The following DCLK2 variants were observed in gnomAD, a reference collection of about 807,000 sequenced individuals.
DCLK2 encodes doublecortin like kinase 2, also known as serine/threonine-protein kinase DCLK2.
DCLK2 carries 31 observed loss-of-function variants against 78.4 expected under a neutral mutation model. That is an observed-to-expected ratio of 0.40 (90% confidence interval 0.30 to 0.53). DCLK2 has a LOEUF of 0.53. Among genes scored for constraint, DCLK2 ranks in the 20% least tolerant of loss-of-function variants. The pLI is 0.61. For missense variants in DCLK2, 872 were observed against 973.7 expected (o/e 0.90, Z 1.39); for synonymous variants, 407 against 374.9 (o/e 1.09, Z -0.99).
In DCLK2 at chr4:150,218,473, A is replaced by G. The variant is rs142135006; in HGVS notation, c.1057-2230A>G. On this transcript the variant is annotated intron_variant, in intron 5 of 15. Coordinates refer to ENST00000296550, the MANE Select transcript of DCLK2 (RefSeq NM_001040260.4). ...TCACTCAGACAACACATCAGCTTGC[A>G]GTAAACCAGTGCTTACCCAAATTAG... Among the ~76,000 whole-genome samples, 8 of 152,348 alleles carry G rather than the reference A, an allele frequency of 5.3e-5. No homozygotes were observed. The East Asian group carries it at 1.3e-3, about 26-fold the overall frequency.
At chr4:150,175,237 A>G (rs913790264) in intron 2 of DCLK2, among the ~76,000 whole-genome samples, 18 of 138,956 alleles carry the variant, frequency 1.3e-4, no homozygotes, top group African/African-American at 4.9e-4. Flanking sequence ...ATTTATATAT[A>G]TATAAAGCTT....
At chr4:150,111,102 C>T (rs1731660817) in intron 2 of DCLK2, among the ~76,000 whole-genome samples, 1 of 152,130 alleles carries the variant, frequency 6.6e-6, no homozygotes, top group Non-Finnish European at 1.5e-5. Context: ...TTCCCACAAG[C>T]ATTGTATAAG....
At position 150,078,942 on chromosome 4, in the gene DCLK2, C is replaced by T. The variant is rs1729018227; in HGVS notation, c.-86C>T. The stretch of plus-strand genomic sequence containing the variant: ...CCAGGTGTCCCGGCGCGTTAAGGGC[C>T]CTCGCAGTCAGACGTCCCTGCACCG... On this transcript the variant is annotated 5_prime_UTR_variant, in exon 1 of 16. Coordinates refer to ENST00000296550, the MANE Select transcript of DCLK2 (RefSeq NM_001040260.4). The T allele has an allele frequency of 6.4e-6, 9 of 1,410,146 alleles. No homozygotes were observed. Among genetic ancestry groups the T allele is most frequent in the South Asian group, 1.6e-5 (1 of 63,026 alleles). 87.4% of individuals were successfully genotyped at this position (1,410,146 alleles called of 1,614,324 possible). A position where few individuals can be genotyped will look rare whatever the true frequency, so the allele number is the denominator to read the frequency against.
chr4:150,079,446 A>C lies in DCLK2; in HGVS notation c.419A>C (p.Glu140Ala). 23 of 1,513,342 alleles carry C rather than the reference A, an allele frequency of 1.5e-5. No individual in the cohort carries two copies. The highest frequency in any genetic ancestry group is 2.0e-5 in the Non-Finnish European group (23 of 1,126,160). The allele number at this position is 1,513,342 out of a possible 1,614,324, so 93.7% of individuals were successfully genotyped here. A position where few individuals can be genotyped will look rare whatever the true frequency, so the allele number is the denominator to read the frequency against. Residue 140 changes from glutamate to alanine, a missense_variant and splice_region_variant, in exon 1 of 16, where the codon GAA becomes GCA. This residue lies in a region of DCLK2 where 567 missense variants were observed against 593.4 expected (regional missense o/e 0.96). Transcript: ENST00000296550. ...RKVTSLDELLEGESYVCASNE... is the reference protein window; with the variant it reads ...RKVTSLDELLAGESYVCASNE... ...GTCACCAGCCTGGACGAGCTGCTGG[A>C]AGGTAGGAGGGGAGGGCGCCGCACG...
intron 2 of DCLK2, among the ~76,000 whole-genome samples, chr4:150,156,741 T>TTTTTTTTA (rs1735303640): frequency 7.2e-6 from 1 of 139,390 alleles, no homozygotes; most frequent in East Asian, 2.1e-4. Flanking sequence ...GGAGTAACTA[T>TTTTTTTTA]TTTATTTATT....
intron 2 of DCLK2, among the ~76,000 whole-genome samples, chr4:150,122,309 A>G (rs1015003922): frequency 5.3e-5 from 8 of 152,216 alleles, no homozygotes; most frequent in South Asian, 2.1e-4. Flanking sequence ...GTGCACACCT[A>G]TGTTTATTGC....
At chr4:150,225,195 G>T (rs917672589) in intron 8 of DCLK2, among the ~76,000 whole-genome samples, 2 of 152,204 alleles carry the variant, frequency 1.3e-5, no homozygotes, top group Non-Finnish European at 2.9e-5. Flanking sequence ...CACATCTGCC[G>T]TTTGCCCGTA....
intron 12 of DCLK2, 46 bp from the exon 13 acceptor site, chr4:150,247,557 C>A (rs1743420841): frequency 6.4e-7 from 1 of 1,574,622 alleles, no homozygotes; most frequent in Admixed American, 1.7e-5. Flanking sequence ...TTGAAAAATT[C>A]TACGGTGACT....
chr4:150,207,182 T>A lies in DCLK2; in HGVS notation c.1056+3293T>A, dbSNP rs536587341. 5.3e-5 allele frequency among the ~76,000 whole-genome samples: 8 copies of A among 152,282 alleles called. No individual in the cohort carries two copies. In the South Asian group the frequency reaches 1.7e-3, roughly 32 times the overall value. On this transcript the variant is annotated intron_variant, in intron 5 of 15. Transcript: ENST00000296550. ...GGATAGATAATCTTTTTCCAGAGAA[T>A]CAGAGAATTGATAAAAGCAAGCAAA...
chr4:150,193,733 G>GT (rs974821007), intron 3 of DCLK2, among the ~76,000 whole-genome samples: 20 of 151,702 alleles, frequency 1.3e-4, no homozygotes, highest in Non-Finnish European at 1.8e-4. Flanking sequence ...ACCTCACTGG[G>GT]TTTTTTTTGG....
chr4:150,116,773 C>T (rs1732123442), intron 2 of DCLK2, among the ~76,000 whole-genome samples: 1 of 152,160 alleles, frequency 6.6e-6, no homozygotes, highest in Non-Finnish European at 1.5e-5. Flanking sequence ...GTCAGGGCCT[C>T]TTGGTTAGCC....
chr4:150,078,798 G>A lies in DCLK2; in HGVS notation c.-230G>A. The A allele has an allele frequency of 2.3e-6, 1 of 431,514 alleles. No homozygotes were observed. Among genetic ancestry groups the A allele is most frequent in the Non-Finnish European group, 3.9e-6 (1 of 254,288 alleles). The allele number at this position is 431,514 out of a possible 1,614,324, so 26.7% of individuals were successfully genotyped here. On this transcript the variant is annotated 5_prime_UTR_variant, in exon 1 of 16. Coordinates refer to ENST00000296550, the MANE Select transcript of DCLK2 (RefSeq NM_001040260.4). ...GCAGGCGGGAGGCACGGAGCAAGTC[G>A]CACTGGACAATGACCTGGGCAGCTC...
intron 1 of DCLK2, among the ~76,000 whole-genome samples, chr4:150,087,829 C>T (rs1406007350): frequency 6.6e-6 from 1 of 152,130 alleles, no homozygotes; most frequent in East Asian, 1.9e-4. Flanking sequence ...CCAGTTTTTA[C>T]ATACAAAGTG....
chr4:150,128,799 A>G (rs1453359632), intron 2 of DCLK2, among the ~76,000 whole-genome samples: 1 of 152,108 alleles, frequency 6.6e-6, no homozygotes, highest in Non-Finnish European at 1.5e-5. Flanking sequence ...AAGTCCATGG[A>G]CAGAGAGTAT....
At chr4:150,212,829 C>T (rs895616508) in intron 5 of DCLK2, among the ~76,000 whole-genome samples, 1 of 152,098 alleles carries the variant, frequency 6.6e-6, no homozygotes. Flanking sequence ...TTAAATGCCC[C>T]ATTATTCATG....
chr4:150,166,305 C>T (rs1736068309), intron 2 of DCLK2, among the ~76,000 whole-genome samples: 1 of 151,386 alleles, frequency 6.6e-6, no homozygotes, highest in Non-Finnish European at 1.5e-5. Context: ...GCCTGAGCAA[C>T]ATAGCGGGAC....
intron 2 of DCLK2, among the ~76,000 whole-genome samples, chr4:150,141,482 T>A (rs750224775): frequency 4.6e-5 from 7 of 152,214 alleles, no homozygotes; most frequent in Non-Finnish European, 8.8e-5. Flanking sequence ...TTGGTTCTTA[T>A]GAGATGGAAA....
chr4:150,144,775 A>G (rs997678295), intron 2 of DCLK2, among the ~76,000 whole-genome samples: 4 of 152,144 alleles, frequency 2.6e-5, no homozygotes, highest in Non-Finnish European at 4.4e-5. Context: ...ATTTGTAGAG[A>G]TGAGACGTCA....
In DCLK2 at chr4:150,250,688, G is replaced by A. The variant is rs138388446; in HGVS notation, c.2073+1004G>A. On this transcript the variant is annotated intron_variant, in intron 15 of 15. Transcript: ENST00000296550. ...GGCCACCTCCACAGCTCCGTCACTCGTACTTGGGACAGGCCTCTCATCCTC... is the reference window on the plus strand; with the variant it reads ...GGCCACCTCCACAGCTCCGTCACTCATACTTGGGACAGGCCTCTCATCCTC... 4.0e-3 allele frequency among the ~76,000 whole-genome samples: 610 copies of A among 151,690 alleles called. 2 individuals are homozygous for A. The highest frequency in any genetic ancestry group is 0.013 in the African/African-American group (555 of 41,292).
Sources: allele counts gnomAD v4.1 joint callset (sites outside exome capture counted in the v4.1 genomes callset), GRCh38; gene constraint gnomAD v4.1.1; regional missense constraint gnomAD v4.1.1; transcripts MANE v1.5; gene names NCBI Gene and HGNC (gene_info 2026-07-23, HGNC 2026-07-21).